Variants in GPATCH11 observed in about 807,000 individuals in gnomAD.
The protein encoded by GPATCH11 is G-patch domain containing 11, also known as G patch domain-containing protein 11.
GPATCH11 carries 32 observed loss-of-function variants against 44.8 expected under a neutral mutation model. The observed-to-expected ratio is 0.71, with a 90% confidence interval of 0.54 to 0.96. The LOEUF is 0.96. GPATCH11 is among the 40% of genes least tolerant of loss of function. The probability of loss-of-function intolerance (pLI) is 0.00; values close to 1 mark genes in which losing one functional copy is unlikely to be tolerated. For missense variants in GPATCH11, 324 were observed against 303.1 expected (o/e 1.07, Z -0.51); for synonymous variants, 84 against 94.4 (o/e 0.89, Z 0.64).
chr2:37,086,360 C>A (rs1028758779), intron 1 of GPATCH11, among the ~76,000 whole-genome samples: 10 of 151,978 alleles, frequency 6.6e-5, no homozygotes, highest in Non-Finnish European at 1.2e-4. Context: ...TATTAAAGAC[C>A]CTTTTTATCC....
chr2:37,084,561 G>C lies in GPATCH11; in HGVS notation c.-23G>C, dbSNP rs536388024. 2.4e-6 allele frequency: 3 copies of C among 1,232,370 alleles called. No homozygotes were observed. The highest frequency in any genetic ancestry group is 3.0e-6 in the Non-Finnish European group (3 of 988,096). The allele number at this position is 1,232,370 out of a possible 1,614,324, so 76.3% of individuals were successfully genotyped here. On this transcript the variant is annotated 5_prime_UTR_variant, in exon 1 of 9. Coordinates refer to ENST00000674370, the MANE Select transcript of GPATCH11 (RefSeq NM_174931.4). ...ACGGCGCTGAACCGGGGCGAGCAGAGAGCTGTCAGGTAAGAGAGCTGTCAG... is the reference window on the plus strand; with the variant it reads ...ACGGCGCTGAACCGGGGCGAGCAGACAGCTGTCAGGTAAGAGAGCTGTCAG...
chr2:37,087,369 C>A lies in GPATCH11; in HGVS notation c.-13-1000C>A, dbSNP rs184876326. Among the ~76,000 whole-genome samples the A allele has an allele frequency of 2.7e-3, 410 of 152,300 alleles. 3 individuals are homozygous for A. Among genetic ancestry groups the A allele is most frequent in the Non-Finnish European group, 4.5e-3 (307 of 68,024 alleles). ...CCACAACAAGTGAATACACTTTTGTCTTAAGCAACTGAACTAGCAACATTG... is the reference window on the plus strand; with the variant it reads ...CCACAACAAGTGAATACACTTTTGTATTAAGCAACTGAACTAGCAACATTG... On this transcript the variant is annotated intron_variant, in intron 1 of 8. Coordinates refer to ENST00000674370, the MANE Select transcript of GPATCH11 (RefSeq NM_174931.4).
At position 37,092,255 on chromosome 2, in the gene GPATCH11, A is replaced by G; in HGVS notation, c.540A>G (p.Lys180=). 3 of 1,451,680 alleles carry G rather than the reference A, an allele frequency of 2.1e-6. No individual in the cohort carries two copies. The highest frequency in any genetic ancestry group is 2.7e-6 in the Non-Finnish European group (3 of 1,101,680). The allele number at this position is 1,451,680 out of a possible 1,614,324, so 89.9% of individuals were successfully genotyped here. A position where few individuals can be genotyped will look rare whatever the true frequency, so the allele number is the denominator to read the frequency against. ...QRACQQLDVQ[K]NIQVPREAWY... is the part of the protein sequence containing the mutation. ...CCTGTCAACAACTGGATGTCCAGAA[A>G]GTAAGCCTTTTACCAGCTTTCAGTT... Residue 180 remains lysine, a splice_region_variant and synonymous_variant, in exon 6 of 9, where the codon AAA becomes AAG. Transcript: ENST00000674370.
chr2:37,091,437 G>A (rs1673315370), intron 4 of GPATCH11, among the ~76,000 whole-genome samples: 1 of 151,986 alleles, frequency 6.6e-6, no homozygotes, highest in African/African-American at 2.4e-5. Context: ...GCACGCACCT[G>A]TAGTCCTTGC....
chr2:37,085,550 G>A (rs1292814317), intron 1 of GPATCH11, among the ~76,000 whole-genome samples: 2 of 152,178 alleles, frequency 1.3e-5, no homozygotes, highest in Non-Finnish European at 2.9e-5. Flanking sequence ...GTTTAAAGAT[G>A]CACACGTGGA....
At chr2:37,095,863 ATACT>A (rs1673551699) in intron 8 of GPATCH11, among the ~76,000 whole-genome samples, 1 of 152,210 alleles carries the variant, frequency 6.6e-6, no homozygotes, top group African/African-American at 2.4e-5. Flanking sequence ...TAATTTTTAT[ATACT>A]TAGATAGAAT....
At chr2:37,086,497 A>C (rs1351133672) in intron 1 of GPATCH11, among the ~76,000 whole-genome samples, 1 of 152,190 alleles carries the variant, frequency 6.6e-6, no homozygotes, top group East Asian at 1.9e-4. Flanking sequence ...ATATACATTA[A>C]AAATATAAAA....
In GPATCH11 at chr2:37,092,040, A is replaced by G. The variant is rs1451211667; in HGVS notation, c.449+4A>G. On this transcript the variant is annotated splice_donor_region_variant and intron_variant, in intron 5 of 8. Transcript: ENST00000674370. ...AAAAAGCTGCAGAACAGTTTCGGTA[A>G]AACTATTTTTGAGCTGGTTTTGGTT... 1.2e-6 allele frequency: 2 copies of G among 1,612,208 alleles called. No homozygotes were observed. The highest frequency in any genetic ancestry group is 2.2e-5 in the East Asian group (1 of 44,814).
chr2:37,088,174 A>G (rs1673135695), intron 1 of GPATCH11, among the ~76,000 whole-genome samples, 195 bp from the exon 2 acceptor site: 1 of 152,124 alleles, frequency 6.6e-6, no homozygotes, highest in African/African-American at 2.4e-5. Flanking sequence ...AACACAGGGG[A>G]TGTAGAAGGC....
intron 1 of GPATCH11, among the ~76,000 whole-genome samples, chr2:37,085,913 C>T (rs1164748047): frequency 6.6e-6 from 1 of 152,210 alleles, no homozygotes. Context: ...CAAGGTAGCT[C>T]ACTCCTGTGG....
At chr2:37,085,225 TA>T (rs1672945234) in intron 1 of GPATCH11, among the ~76,000 whole-genome samples, 1 of 152,228 alleles carries the variant, frequency 6.6e-6, no homozygotes, top group African/African-American at 2.4e-5. Flanking sequence ...GTAGGTCTCT[TA>T]AAAACAATGT....
chr2:37,098,714 A>G lies in GPATCH11; in HGVS notation c.*2451A>G, dbSNP rs182677635. ...GTACTAGAACTAGACCGGCTTAGAG[A>G]GTGGGAGATATCCCTCTGTTGTCCA... On this transcript the variant is annotated 3_prime_UTR_variant, in exon 9 of 9. Coordinates refer to ENST00000674370, the MANE Select transcript of GPATCH11 (RefSeq NM_174931.4). 1 of 152,334 alleles carries G rather than the reference A, an allele frequency of 6.6e-6. No homozygotes were observed. The highest frequency in any genetic ancestry group is 1.9e-4 in the East Asian group (1 of 5,186). 9.4% of individuals were successfully genotyped at this position (152,334 alleles called of 1,614,324 possible).
chr2:37,097,899 T>G lies in GPATCH11; in HGVS notation c.*1636T>G, dbSNP rs1430457775. On this transcript the variant is annotated 3_prime_UTR_variant, in exon 9 of 9. Coordinates refer to ENST00000674370, the MANE Select transcript of GPATCH11 (RefSeq NM_174931.4). ...AGCCTACCTTGAGCCACTAATCTAG[T>G]TAACTTCTGGGCCTCAGTTCTTCAT... is the stretch of plus-strand genomic sequence containing the variant. 2 of 152,248 alleles carry G rather than the reference T, an allele frequency of 1.3e-5. No individual in the cohort carries two copies. 9.4% of individuals were successfully genotyped at this position (152,248 alleles called of 1,614,324 possible). A position where few individuals can be genotyped will look rare whatever the true frequency, so the allele number is the denominator to read the frequency against.
Position 37,098,363 on chromosome 2 carries a change from TATATATAGAGAG to T in GPATCH11, c.*2102_*2113del, listed in dbSNP as rs985028545. Reference sequence around the variant, plus strand: ...ATATATATATGTATGTATATATATATATATATAGAGAGAGAGAGAGAGAGAGAGCTATTAATA... The same window carrying T: ...ATATATATATGTATGTATATATATATAGAGAGAGAGAGAGAGCTATTAATA... On this transcript the variant is annotated 3_prime_UTR_variant, in exon 9 of 9. Coordinates refer to ENST00000674370, the MANE Select transcript of GPATCH11 (RefSeq NM_174931.4). 7.0e-6 allele frequency: 1 copy of T among 142,938 alleles called. No homozygotes were observed. The highest frequency in any genetic ancestry group is 1.5e-5 in the Non-Finnish European group (1 of 65,976). 8.9% of individuals were successfully genotyped at this position (142,938 alleles called of 1,614,324 possible). A position where few individuals can be genotyped will look rare whatever the true frequency, so the allele number is the denominator to read the frequency against.
intron 7 of GPATCH11, among the ~76,000 whole-genome samples, chr2:37,095,038 A>G (rs921553938): frequency 6.6e-6 from 1 of 152,212 alleles, no homozygotes; most frequent in Non-Finnish European, 1.5e-5. Flanking sequence ...AACATTCACA[A>G]TTTGAAAAAC....
intron 6 of GPATCH11, among the ~76,000 whole-genome samples, chr2:37,093,340 T>A (rs571119407): frequency 6.6e-6 from 1 of 151,576 alleles, no homozygotes; most frequent in African/African-American, 2.4e-5. Flanking sequence ...ACAAAAAAAA[T>A]AAATAAGTAA....
intron 8 of GPATCH11, 38 bp from the exon 9 acceptor site, chr2:37,096,170 G>A (rs1572986182): frequency 1.6e-6 from 2 of 1,268,354 alleles, no homozygotes; most frequent in East Asian, 4.8e-5. Context: ...TACTGTAGAA[G>A]TTGTATTAAT....
At chr2:37,091,589 A>G (rs1368830771) in intron 4 of GPATCH11, among the ~76,000 whole-genome samples, 3 of 152,238 alleles carry the variant, frequency 2.0e-5, no homozygotes, top group South Asian at 4.1e-4. Flanking sequence ...TTATCTACCA[A>G]ATGTTTTGCT....
In GPATCH11 at chr2:37,089,712, G is replaced by A. The variant is rs968898317; in HGVS notation, c.132G>A (p.Gln44=). 3.0e-5 allele frequency: 47 copies of A among 1,551,646 alleles called. 1 individual carries two copies. Among genetic ancestry groups the A allele is most frequent in the Non-Finnish European group, 3.0e-5 (34 of 1,147,036 alleles). ...REARRKEEKQ[Q]EANLKNRQKS... is the part of the protein sequence containing the mutation. ...CCCGTCGAAAAGAAGAAAAGCAACA[G>A]GAAGCCAATTTGAAAAACAGGCAGA... The change falls in exon 3 of 9, where the codon CAG becomes CAA. Residue 44 remains glutamine, a synonymous_variant. Coordinates refer to ENST00000674370, the MANE Select transcript of GPATCH11 (RefSeq NM_174931.4).
Sources: allele counts gnomAD v4.1 joint callset (sites outside exome capture counted in the v4.1 genomes callset), GRCh38; gene constraint gnomAD v4.1.1; transcripts MANE v1.5; gene names NCBI Gene and HGNC (gene_info 2026-07-23, HGNC 2026-07-21).